PAQR6: variants seen among roughly 807,000 people sequenced by gnomAD.
The protein encoded by PAQR6 is membrane progestin receptor delta.
PAQR6 carries 34 observed loss-of-function variants against 36.2 expected under a neutral mutation model. The ratio of observed to expected loss-of-function variants is 0.94; its 90% CI spans 0.71 to 1.25. The LOEUF (loss-of-function observed/expected upper bound fraction) is 1.25. Among genes scored for constraint, PAQR6 ranks in the 50% most tolerant of loss-of-function variants. The pLI, the probability that PAQR6 is intolerant of heterozygous loss-of-function variation, is 0.00. For synonymous variants in PAQR6, 190 were observed against 190.7 expected (o/e 1.00, Z 0.03); for missense variants, 431 against 445.7 (o/e 0.97, Z 0.30).
At chr1:156,244,966 G>T (rs1660077770) in intron 6 of PAQR6, 55 bp from the exon 7 acceptor site, 1 of 1,598,696 alleles carries the variant, frequency 6.3e-7, no homozygotes, top group Non-Finnish European at 8.5e-7. Context: ...GAAACATGGG[G>T]TGTGTCTGGG....
chr1:156,244,944 G>A (rs902635663), intron 6 of PAQR6, 33 bp from the exon 7 acceptor site: 2 of 1,603,976 alleles, frequency 1.2e-6, no homozygotes, highest in Non-Finnish European at 1.7e-6. Context: ...GCTGGGGAGG[G>A]ACTCGGGAGC....
At position 156,245,123 on chromosome 1, in the gene PAQR6, G is replaced by A; in HGVS notation, c.609+19C>T. The A allele has an allele frequency of 6.2e-7, 1 of 1,609,846 alleles. No homozygotes were observed. The highest frequency in any genetic ancestry group is 8.5e-7 in the Non-Finnish European group (1 of 1,176,754). On this transcript the variant is annotated intron_variant, in intron 6 of 7. Transcript: ENST00000292291. ...GACAGGAAAGCAGGAGTCTGGGCAG[G>A]GGCCCTAGGCCTCCTTACCCGATAA...
In PAQR6 at chr1:156,246,685, G is replaced by A; in HGVS notation, c.47C>T (p.Pro16Leu). 6 of 1,613,772 alleles carry A rather than the reference G, an allele frequency of 3.7e-6. No homozygotes were observed. The highest frequency in any genetic ancestry group is 4.2e-6 in the Non-Finnish European group (5 of 1,179,858). Residue 16 changes from proline (P) to leucine (L), a missense_variant, in exon 2 of 8, where the codon CCC (proline) becomes CTC (leucine). Physicochemically the swap from Pro to Leu is moderately conservative, Grantham distance 98. Transcript: ENST00000292291. ...LPQLLQVHQV[P>L]RVFWEDGIMS... Reference sequence around the variant, plus strand: ...TCAGTGGGTGGAGCCCCTCACCCGGGGGACCTGGTGGACTTGAAGAAGTTG... The same window carrying A: ...TCAGTGGGTGGAGCCCCTCACCCGGAGGACCTGGTGGACTTGAAGAAGTTG...
chr1:156,244,935 C>T, intron 6 of PAQR6, 24 bp from the exon 7 acceptor site: 1 of 1,607,542 alleles, frequency 6.2e-7, no homozygotes. Context: ...ACCAAGGCTG[C>T]TGGGGAGGGA....
intron 7 of PAQR6, 74 bp from the exon 8 acceptor site, chr1:156,244,477 C>G (rs2103162187): frequency 1.4e-6 from 2 of 1,416,870 alleles, no homozygotes; most frequent in African/African-American, 1.4e-5. Flanking sequence ...GCCTGCTACT[C>G]CCCCATAAAT....
At position 156,246,126 on chromosome 1, in the gene PAQR6, G is replaced by GT; in HGVS notation, c.175dup (p.Thr59AsnfsTer124). ...CTGGGGCGGAGCCTCCCCTCACCAG[G>GT]TGGGCAGGAAGTGAGTCCAGATGTT... On this transcript the variant is annotated frameshift_variant, in exon 3 of 8. Coordinates refer to ENST00000292291, the MANE Select transcript of PAQR6 (RefSeq NM_198406.3). LOFTEE classifies it high-confidence loss of function. 1 of 1,612,042 alleles carries GT rather than the reference G, an allele frequency of 6.2e-7. No homozygotes were observed. Among genetic ancestry groups the GT allele is most frequent in the South Asian group, 1.1e-5 (1 of 91,070 alleles).
chr1:156,245,068 A>G, intron 6 of PAQR6, 74 bp downstream of exon 6: 1 of 1,602,672 alleles, frequency 6.2e-7, no homozygotes, highest in Non-Finnish European at 8.5e-7. Flanking sequence ...CTGAGGGGGC[A>G]GGGCTGGAAG....
Position 156,243,708 on chromosome 1 carries a change from TG to T in PAQR6, c.*420del. ...GGGGCAAGTGTGTGGCCTCTCGGCC[TG>T]GTTAGCAAGAAGCATTCAGGGTAGG... On this transcript the variant is annotated 3_prime_UTR_variant, in exon 8 of 8. Transcript: ENST00000292291. 2 of 996,310 alleles carry T rather than the reference TG, an allele frequency of 2.0e-6. No individual in the cohort carries two copies. The highest frequency in any genetic ancestry group is 1.6e-5 in the African/African-American group (1 of 62,236). The allele number at this position is 996,310 out of a possible 1,614,324, so 61.7% of individuals were successfully genotyped here.
chr1:156,244,478 C>T, intron 7 of PAQR6, 75 bp from the exon 8 acceptor site: 3 of 1,416,428 alleles, frequency 2.1e-6, no homozygotes, highest in Non-Finnish European at 1.9e-6. Flanking sequence ...CCTGCTACTC[C>T]CCCATAAATT....
At chr1:156,246,622 G>A in intron 2 of PAQR6, 59 bp downstream of exon 2, 1 of 1,559,052 alleles carries the variant, frequency 6.4e-7, no homozygotes, top group Admixed American at 1.8e-5. Context: ...AAGAACGTCA[G>A]CCCCTAGTCA....
chr1:156,244,498 A>G, intron 7 of PAQR6, 95 bp from the exon 8 acceptor site: 1 of 1,388,002 alleles, frequency 7.2e-7, no homozygotes, highest in Non-Finnish European at 9.6e-7. Flanking sequence ...TGAGAATAAG[A>G]AACCCTGACT....
chr1:156,244,172 T>C lies in PAQR6; in HGVS notation c.992A>G (p.Gln331Arg). Residue 331 changes from glutamine (Q) to arginine (R), a missense_variant, in exon 8 of 8, where the codon CAG becomes CGG. By Grantham distance (43) the Gln-to-Arg change is conservative. Transcript: ENST00000292291. ...LRAPSTCPLL[Q>R]GGPLEGGTQA... ...GGTACCCCCCTCCAGTGGGCCACCC[T>C]GCAGCAGAGGGCATGTACTGGGGGC... The C allele has an allele frequency of 6.2e-7, 1 of 1,608,920 alleles. No individual in the cohort carries two copies. Among genetic ancestry groups the C allele is most frequent in the Non-Finnish European group, 8.5e-7 (1 of 1,175,960 alleles).
chr1:156,245,014 C>T (rs1276314310), intron 6 of PAQR6, 103 bp from the exon 7 acceptor site: 19 of 1,594,480 alleles, frequency 1.2e-5, no homozygotes, highest in East Asian at 4.5e-5. Flanking sequence ...CACAGCTAGG[C>T]GGGGTGCTGG....
Position 156,245,821 on chromosome 1 carries a change from A to G in PAQR6, c.346T>C (p.Tyr116His), listed in dbSNP as rs755175357. 37 of 1,606,510 alleles carry G rather than the reference A, an allele frequency of 2.3e-5. No individual in the cohort carries two copies. In the Admixed American group the frequency reaches 6.0e-4, roughly 26 times the overall value. ...CTGAGCGCGCCGTAGTCGAGGAAGT[A>G]GCAGATGTGGCGCATGCGGGGCGAC... ...SMSPRMRHIC[Y>H]FLDYGALSLY... The change falls in exon 4 of 8, where the codon TAC becomes CAC. Residue 116 changes from tyrosine to histidine, a missense_variant. Coordinates refer to ENST00000292291, the MANE Select transcript of PAQR6 (RefSeq NM_198406.3).
Position 156,247,980 on chromosome 1 carries a change from A to G in PAQR6, c.-49T>C, listed in dbSNP as rs1434968332. The G allele has an allele frequency of 2.2e-6, 1 of 464,116 alleles. No individual in the cohort carries two copies. Among genetic ancestry groups the G allele is most frequent in the South Asian group, 1.6e-5 (1 of 62,820 alleles). 28.7% of individuals were successfully genotyped at this position (464,116 alleles called of 1,614,324 possible). A position where few individuals can be genotyped will look rare whatever the true frequency, so the allele number is the denominator to read the frequency against. ...ACCCAGAGCTTGGTGGGTGCTCCTA[A>G]GCTGGTGGGTCAACAGGCCCAGGGC... is the stretch of plus-strand genomic sequence containing the variant. On this transcript the variant is annotated 5_prime_UTR_variant, in exon 1 of 8. Coordinates refer to ENST00000292291, the MANE Select transcript of PAQR6 (RefSeq NM_198406.3).
chr1:156,246,042 C>T (rs769620574), intron 3 of PAQR6, 55 bp from the exon 4 acceptor site: 9 of 1,596,790 alleles, frequency 5.6e-6, no homozygotes, highest in South Asian at 1.1e-5. Context: ...CCGCTGCAGC[C>T]CGTGGGCCTG....
Position 156,243,994 on chromosome 1 carries a change from C to T in PAQR6, c.*135G>A. The T allele has an allele frequency of 9.3e-6, 15 of 1,614,204 alleles. No individual in the cohort carries two copies. Among genetic ancestry groups the T allele is most frequent in the Non-Finnish European group, 1.2e-5 (14 of 1,180,020 alleles). On this transcript the variant is annotated 3_prime_UTR_variant, in exon 8 of 8. Transcript: ENST00000292291. ...CCCCTCCTCTTCTCTGCCCTCTCTC[C>T]TGTGCCCTCTCTCCTCAGCCCCTGT...
chr1:156,247,020 C>T (rs537014827), intron 1 of PAQR6, among the ~76,000 whole-genome samples: 56 of 152,178 alleles, frequency 3.7e-4, no homozygotes, highest in African/African-American at 1.3e-3. Context: ...GTGGCGGGGT[C>T]CTCCCAGCCG....
At position 156,245,945 on chromosome 1, in the gene PAQR6, G is replaced by A; in HGVS notation, c.222C>T (p.Gly74=). ...GCCAGTGGTACGGCTCCGCACGGAA[G>A]CCGGGGCCGCCCGCCAGCGCCAGGA... ...WRLLALAGGP[G]FRAEPYHWPL... is the part of the protein sequence containing the mutation. The change falls in exon 4 of 8, where the codon GGC becomes GGT. Residue 74 remains glycine (G), a synonymous_variant. Transcript: ENST00000292291. 2.0e-6 allele frequency: 3 copies of A among 1,530,504 alleles called. No individual in the cohort carries two copies. Among genetic ancestry groups the A allele is most frequent in the Non-Finnish European group, 2.6e-6 (3 of 1,141,646 alleles). The allele number at this position is 1,530,504 out of a possible 1,614,324, so 94.8% of individuals were successfully genotyped here. A position where few individuals can be genotyped will look rare whatever the true frequency, so the allele number is the denominator to read the frequency against.
Sources: gnomAD v4.1 joint callset for allele counts (sites outside exome capture counted in the v4.1 genomes callset) on GRCh38, gnomAD v4.1.1 for gene constraint, MANE v1.5 for transcripts, NCBI Gene and HGNC (gene_info 2026-07-23, HGNC 2026-07-21) for gene names.